KLHL2: variants seen among roughly 807,000 people sequenced by gnomAD.
KLHL2 encodes kelch like family member 2, also known as kelch-like protein 2.
A neutral mutation model predicts 75.8 loss-of-function variants in KLHL2; 15 were observed. That is an observed-to-expected ratio of 0.20 (90% confidence interval 0.13 to 0.30). KLHL2 has a LOEUF of 0.30. Ranked by LOEUF, KLHL2 falls within the 10% of genes least tolerant of loss-of-function variation. KLHL2 has a pLI of 1.00. For synonymous variants in KLHL2, 214 were observed against 251.9 expected, an observed-to-expected ratio of 0.85 and a Z score of 1.42; for missense variants, 381 against 741.0, an observed-to-expected ratio of 0.51 and a Z score of 5.64.
chr4:165,313,963 A>G, intron 12 of KLHL2, 63 bp from the exon 13 acceptor site: 1 of 1,513,802 alleles, frequency 6.6e-7, no homozygotes. Flanking sequence ...ATTTAAATAA[A>G]CCTAATATGA....
At chr4:165,240,616 G>C (rs1233235357) in intron 4 of KLHL2, among the ~76,000 whole-genome samples, 1 of 151,484 alleles carries the variant, frequency 6.6e-6, no homozygotes, top group Non-Finnish European at 1.5e-5. Context: ...ATCTCGTTCT[G>C]GTCTTTTAGG....
At chr4:165,246,728 T>G (rs1362148863) in intron 4 of KLHL2, among the ~76,000 whole-genome samples, 1 of 152,050 alleles carries the variant, frequency 6.6e-6, no homozygotes, top group Admixed American at 6.6e-5. Context: ...TTTGGGGTGG[T>G]GGGAATTAAT....
intron 3 of KLHL2, among the ~76,000 whole-genome samples, chr4:165,229,732 T>C (rs1039784019): frequency 2.0e-5 from 3 of 152,114 alleles, no homozygotes; most frequent in Non-Finnish European, 4.4e-5. Context: ...TAGGTAATAG[T>C]GTATGGAAGA....
chr4:165,322,007 T>A, intron 14 of KLHL2, 25 bp from the exon 15 acceptor site: 2 of 1,612,518 alleles, frequency 1.2e-6, no homozygotes, highest in Non-Finnish European at 1.7e-6. Flanking sequence ...TGACTTCTTT[T>A]TTCTCTCTTC....
intron 5 of KLHL2, among the ~76,000 whole-genome samples, chr4:165,286,086 GA>G (rs1744070590): frequency 6.6e-6 from 1 of 152,176 alleles, no homozygotes; most frequent in South Asian, 2.1e-4. Flanking sequence ...AGACATTAGA[GA>G]ATCTTTATCA....
Position 165,229,312 on chromosome 4 carries a change from A to G in KLHL2, c.259+399A>G, listed in dbSNP as rs561822942. On this transcript the variant is annotated intron_variant, in intron 3 of 14. Coordinates refer to ENST00000226725, the MANE Select transcript of KLHL2 (RefSeq NM_007246.4). ...TTTATTTAATATCCTTCATTTGGAA[A>G]TATAAGAAAATAAAGCGATTTATCT... 3.9e-3 allele frequency among the ~76,000 whole-genome samples: 587 copies of G among 152,346 alleles called. 4 individuals are homozygous for G. Among genetic ancestry groups the G allele is most frequent in the South Asian group, 0.021 (103 of 4,828 alleles).
intron 5 of KLHL2, among the ~76,000 whole-genome samples, chr4:165,293,759 G>A (rs1019476147): frequency 3.7e-4 from 54 of 147,918 alleles, no homozygotes; most frequent in African/African-American, 1.2e-3. Flanking sequence ...CTTGTGATCC[G>A]CCCGCCTCTG....
At chr4:165,239,937 AG>A (rs1739678069) in intron 4 of KLHL2, among the ~76,000 whole-genome samples, 1 of 152,102 alleles carries the variant, frequency 6.6e-6, no homozygotes. Context: ...ACAGTGTCTT[AG>A]GGGTCTTCAC....
At chr4:165,256,477 A>T (rs1285946578) in intron 4 of KLHL2, among the ~76,000 whole-genome samples, 3 of 152,098 alleles carry the variant, frequency 2.0e-5, no homozygotes, top group Non-Finnish European at 4.4e-5. Flanking sequence ...GTTCTACAAA[A>T]CACTGGCTTG....
intron 3 of KLHL2, among the ~76,000 whole-genome samples, chr4:165,232,878 C>CTTTT (rs912954260): frequency 2.3e-4 from 12 of 52,570 alleles, no homozygotes; most frequent in African/African-American, 4.1e-4. Flanking sequence ...CCCTGTTAAG[C>CTTTT]TTTTTTTTTT....
At chr4:165,217,115 T>C (rs184163492) in intron 1 of KLHL2, among the ~76,000 whole-genome samples, 69 of 152,222 alleles carry the variant, frequency 4.5e-4, no homozygotes, top group Admixed American at 1.1e-3. Context: ...GCATTGAAAA[T>C]TCTTTTATGA....
At chr4:165,276,253 C>A (rs1180616050) in intron 5 of KLHL2, among the ~76,000 whole-genome samples, 1 of 152,192 alleles carries the variant, frequency 6.6e-6, no homozygotes, top group Non-Finnish European at 1.5e-5. Flanking sequence ...AACTACTTTA[C>A]CCAGGCCTGT....
intron 5 of KLHL2, among the ~76,000 whole-genome samples, chr4:165,267,523 G>T (rs970935539): frequency 2.6e-5 from 4 of 152,074 alleles, no homozygotes; most frequent in African/African-American, 9.7e-5. Flanking sequence ...TAGCATGAAG[G>T]GCTGTTGAAT....
intron 5 of KLHL2, chr4:165,279,224 G>T (rs1309129307): frequency 2.0e-6 from 3 of 1,533,020 alleles, no homozygotes; most frequent in African/African-American, 2.7e-5. Context: ...TGGAAGGCCT[G>T]TCTTGGACTT....
chr4:165,266,396 A>G (rs1204124211), intron 5 of KLHL2, among the ~76,000 whole-genome samples: 2 of 152,222 alleles, frequency 1.3e-5, no homozygotes, highest in East Asian at 1.9e-4. Flanking sequence ...GTCTTTGCCC[A>G]TGCCTATGTC....
At chr4:165,277,688 T>G (rs570943538) in intron 5 of KLHL2, 1 of 522,702 alleles carries the variant, frequency 1.9e-6, no homozygotes, top group African/African-American at 1.9e-5. Flanking sequence ...CAGGATGTTA[T>G]GGCAATGGAG....
chr4:165,308,226 A>G (rs1745879527), intron 9 of KLHL2, among the ~76,000 whole-genome samples: 1 of 152,108 alleles, frequency 6.6e-6, no homozygotes, highest in Non-Finnish European at 1.5e-5. Context: ...TTTTATCTTT[A>G]TCGTTACTAT....
chr4:165,267,525 C>T (rs1419768146), intron 5 of KLHL2, among the ~76,000 whole-genome samples: 1 of 151,982 alleles, frequency 6.6e-6, no homozygotes, highest in Non-Finnish European at 1.5e-5. Flanking sequence ...GCATGAAGGG[C>T]TGTTGAATTT....
chr4:165,295,532 G>A (rs1207374419), intron 6 of KLHL2, among the ~76,000 whole-genome samples: 2 of 152,190 alleles, frequency 1.3e-5, no homozygotes, highest in African/African-American at 4.8e-5. Flanking sequence ...ATAGACTAGT[G>A]GGACAGCCAG....
Sources: gnomAD v4.1 joint callset for allele counts (sites outside exome capture counted in the v4.1 genomes callset) on GRCh38, gnomAD v4.1.1 for gene constraint, MANE v1.5 for transcripts, NCBI Gene and HGNC (gene_info 2026-07-23, HGNC 2026-07-21) for gene names.